The following ASTN2 variants were observed in gnomAD, a reference collection of about 807,000 sequenced individuals.
ASTN2 encodes astrotactin 2, also known as astrotactin-2.
A neutral mutation model predicts 139.8 loss-of-function variants in ASTN2; 54 were observed. The ratio of observed to expected loss-of-function variants is 0.39; its 90% CI spans 0.31 to 0.48. The LOEUF is 0.48. Among genes scored for constraint, ASTN2 ranks in the 20% least tolerant of loss-of-function variants. The pLI is 0.95. For missense variants in ASTN2, 1,565 were observed against 1,725.1 expected, an observed-to-expected ratio of 0.91 and a Z score of 1.64; for synonymous variants, 756 against 719.5, an observed-to-expected ratio of 1.05 and a Z score of -0.81.
chr9:116,437,671 A>C (rs1847702126), intron 22 of ASTN2: 15 of 457,772 alleles, frequency 3.3e-5, no homozygotes, highest in South Asian at 2.4e-4. Flanking sequence ...AGCCCAAAAA[A>C]CTGGAATGCC....
intron 13 of ASTN2, among the ~76,000 whole-genome samples, chr9:116,741,809 C>T (rs1250557331): frequency 1.3e-5 from 2 of 152,214 alleles, no homozygotes; most frequent in Non-Finnish European, 2.9e-5. Context: ...CACCCTGAAG[C>T]TCTGCCCTCT....
chr9:116,532,178 C>T (rs1485851266), intron 19 of ASTN2, among the ~76,000 whole-genome samples: 1 of 152,202 alleles, frequency 6.6e-6, no homozygotes. Context: ...TGAGAAGTGT[C>T]TGTTCACATC....
chr9:117,304,003 G>T (rs903318136), intron 1 of ASTN2, among the ~76,000 whole-genome samples: 8 of 152,308 alleles, frequency 5.3e-5, no homozygotes, highest in African/African-American at 1.9e-4. Context: ...TGCCTATGCT[G>T]CCCCAGACAA....
intron 19 of ASTN2, among the ~76,000 whole-genome samples, chr9:116,601,153 G>C (rs1854877272): frequency 6.6e-6 from 1 of 152,182 alleles, no homozygotes; most frequent in Non-Finnish European, 1.5e-5. Flanking sequence ...TAAGGATTCA[G>C]ATAAGTGACA....
chr9:116,651,446 A>C (rs984604929), intron 17 of ASTN2, 82 bp downstream of exon 17: 36 of 1,464,302 alleles, frequency 2.5e-5, no homozygotes, highest in Non-Finnish European at 2.9e-5. Flanking sequence ...TGATGACAAT[A>C]CCCCTGGACA....
chr9:116,540,830 T>C (rs1851847304), intron 19 of ASTN2: 1 of 152,338 alleles, frequency 6.6e-6, no homozygotes, highest in Admixed American at 6.5e-5. Flanking sequence ...ATTTTTATCT[T>C]GCAGTCTCCA....
At chr9:116,576,209 AGTC>A in intron 19 of ASTN2, among the ~76,000 whole-genome samples, 1 of 152,180 alleles carries the variant, frequency 6.6e-6, no homozygotes, top group Non-Finnish European at 1.5e-5. Flanking sequence ...AGGACTGATC[AGTC>A]CCCTAAGAAG....
chr9:117,190,244 T>A (rs892645586), intron 3 of ASTN2, among the ~76,000 whole-genome samples: 1 of 152,216 alleles, frequency 6.6e-6, no homozygotes, highest in Non-Finnish European at 1.5e-5. Flanking sequence ...TGAATTTCTA[T>A]GTGAAATTTT....
intron 13 of ASTN2, among the ~76,000 whole-genome samples, chr9:116,736,006 A>C (rs1314250127): frequency 6.6e-6 from 1 of 152,226 alleles, no homozygotes; most frequent in Admixed American, 6.5e-5. Context: ...CAACTCTGTG[A>C]AGTAGGTGTC....
chr9:116,685,341 C>T (rs1282998456), intron 16 of ASTN2, among the ~76,000 whole-genome samples: 1 of 152,166 alleles, frequency 6.6e-6, no homozygotes, highest in Non-Finnish European at 1.5e-5. Context: ...AATCTCTGTT[C>T]CCCAAATGCT....
At chr9:116,597,729 T>C (rs944118486) in intron 19 of ASTN2, among the ~76,000 whole-genome samples, 2 of 152,094 alleles carry the variant, frequency 1.3e-5, no homozygotes, top group Admixed American at 6.6e-5. Context: ...GTAGGGGATA[T>C]TGGGTAGGTG....
intron 7 of ASTN2, among the ~76,000 whole-genome samples, chr9:116,981,098 G>T (rs901158840): frequency 1.3e-5 from 2 of 152,176 alleles, no homozygotes; most frequent in African/African-American, 2.4e-5. Context: ...TAGATGAAGG[G>T]ATATATTTCA....
intron 16 of ASTN2, among the ~76,000 whole-genome samples, chr9:116,709,554 T>C (rs1372005718): frequency 6.6e-6 from 1 of 152,208 alleles, no homozygotes; most frequent in Non-Finnish European, 1.5e-5. Flanking sequence ...GTTGAACCAC[T>C]GCCAGTGATT....
chr9:116,490,891 G>A (rs553491629), intron 19 of ASTN2, among the ~76,000 whole-genome samples: 1 of 152,286 alleles, frequency 6.6e-6, no homozygotes, highest in East Asian at 1.9e-4. Context: ...CAGTATGTTT[G>A]TGGCCTGTGT....
At chr9:117,362,664 G>A (rs893645831) in intron 1 of ASTN2, among the ~76,000 whole-genome samples, 2 of 152,188 alleles carry the variant, frequency 1.3e-5, no homozygotes, top group African/African-American at 2.4e-5. Context: ...TTGTTTTGAT[G>A]TTTGACTATA....
At chr9:117,238,279 G>C (rs1453455193) in intron 2 of ASTN2, among the ~76,000 whole-genome samples, 1 of 152,168 alleles carries the variant, frequency 6.6e-6, no homozygotes. Context: ...CACAGGAAAA[G>C]AGTGGGTCCC....
intron 1 of ASTN2, among the ~76,000 whole-genome samples, chr9:117,386,587 G>A (rs947561731): frequency 6.6e-6 from 1 of 152,138 alleles, no homozygotes; most frequent in Non-Finnish European, 1.5e-5. Flanking sequence ...AAGGAGAGCT[G>A]AAAAAGACAT....
chr9:116,529,132 T>C (rs879061460), intron 19 of ASTN2, among the ~76,000 whole-genome samples: 1 of 152,140 alleles, frequency 6.6e-6, no homozygotes, highest in Admixed American at 6.6e-5. Context: ...GCTTGCATCA[T>C]GCACCTAGAA....
chr9:116,934,325 G>A (rs1318143253), intron 10 of ASTN2, among the ~76,000 whole-genome samples: 1 of 152,080 alleles, frequency 6.6e-6, no homozygotes, highest in Non-Finnish European at 1.5e-5. Context: ...CAGGAGCAAT[G>A]CCAGCTGCAA....
Sources: allele counts gnomAD v4.1 joint callset (sites outside exome capture counted in the v4.1 genomes callset), GRCh38; gene constraint gnomAD v4.1.1; transcripts MANE v1.5; gene names NCBI Gene and HGNC (gene_info 2026-07-23, HGNC 2026-07-21).